SRP14: variants seen among roughly 807,000 people sequenced by gnomAD.
SRP14 encodes the protein signal recognition particle 14.
A neutral mutation model predicts 16.0 loss-of-function variants in SRP14; 1 was observed. The ratio of observed to expected loss-of-function variants is 0.06; its 90% CI spans 0.02 to 0.30. The LOEUF (loss-of-function observed/expected upper bound fraction) is 0.30, where lower values mean the gene tolerates loss of function less well. SRP14 is among the 10% of genes least tolerant of loss of function. The pLI is 1.00. For missense variants in SRP14, 120 were observed against 163.1 expected, an observed-to-expected ratio of 0.74 and a Z score of 1.44; for synonymous variants, 67 against 60.1, an observed-to-expected ratio of 1.12 and a Z score of -0.53.
chr15:40,038,837 A>T, intron 2 of SRP14, 39 bp downstream of exon 2: 1 of 1,604,824 alleles, frequency 6.2e-7, no homozygotes, highest in Non-Finnish European at 8.5e-7. Context: ...GACACCGGGA[A>T]CCCAGGGAGC....
chr15:40,038,240 A>G, intron 3 of SRP14, 42 bp downstream of exon 3: 1 of 1,472,568 alleles, frequency 6.8e-7, no homozygotes, highest in Non-Finnish European at 9.5e-7. Flanking sequence ...GTTAAGTTCA[A>G]GTCTTTACAT....
rs1303020661 is a variant in SRP14 at position 40,036,371 on chromosome 15, TTGGTGCTGTTGC to T, written c.361_372del (p.Ala121_Pro124del). 21 of 1,599,500 alleles carry T rather than the reference TTGGTGCTGTTGC, an allele frequency of 1.3e-5. No individual in the cohort carries two copies. Among genetic ancestry groups the T allele is most frequent in the East Asian group, 2.3e-5 (1 of 44,118 alleles). ...GTTGCTGCTGTTGTTGCTGCTGTTG[TTGGTGCTGTTGC>T]TGCTGCGGCAGGTGCTGCTGCTGCT... On this transcript the variant is annotated inframe_deletion, in exon 5 of 5. Transcript: ENST00000267884.
chr15:40,036,720 T>TC (rs930601154), intron 4 of SRP14: 1 of 654,674 alleles, frequency 1.5e-6, no homozygotes, highest in Non-Finnish European at 2.6e-6. Context: ...TACGTTTTTT[T>TC]CCAAGGGAAA....
At chr15:40,037,547 A>AT (rs1465650892) in intron 3 of SRP14, among the ~76,000 whole-genome samples, 2 of 151,634 alleles carry the variant, frequency 1.3e-5, no homozygotes, top group Admixed American at 6.6e-5. Flanking sequence ...TTATTTCATG[A>AT]TATCTAACTT....
intron 4 of SRP14, 154 bp downstream of exon 4, chr15:40,036,832 A>G (rs2291619): frequency 0.92 from 795,666 of 868,006 alleles, 365,467 homozygotes; most frequent in Admixed American, 0.96. Context: ...CGGTATTAGC[A>G]TTGAAATTCA....
rs1321243999 is a variant in SRP14, at chr15:40,039,126, G to A, written c.-10C>T. 1.2e-6 allele frequency: 2 copies of A among 1,609,860 alleles called. No homozygotes were observed. The highest frequency in any genetic ancestry group is 1.3e-5 in the African/African-American group (1 of 74,874). ...TCTCCAACAACACCATCGCGGCGAC[G>A]CTGGCTCGACTCCCTCCGCTTAAGC... On this transcript the variant is annotated 5_prime_UTR_variant, in exon 1 of 5. Coordinates refer to ENST00000267884, the MANE Select transcript of SRP14 (RefSeq NM_003134.6).
chr15:40,038,846 G>A, intron 2 of SRP14, 30 bp downstream of exon 2: 1 of 1,610,728 alleles, frequency 6.2e-7, no homozygotes, highest in Middle Eastern at 1.7e-4. Flanking sequence ...AACCCAGGGA[G>A]CATCGCCCGG....
chr15:40,036,889 G>C, intron 4 of SRP14, 97 bp downstream of exon 4: 1 of 1,374,498 alleles, frequency 7.3e-7, no homozygotes, highest in Non-Finnish European at 1.0e-6. Flanking sequence ...ACTTATCTCC[G>C]GAGAGCAGTG....
intron 4 of SRP14, 79 bp downstream of exon 4, chr15:40,036,907 G>T: frequency 6.6e-7 from 1 of 1,511,608 alleles, no homozygotes; most frequent in South Asian, 1.1e-5. Context: ...GTGAACCCAA[G>T]TATCAATCTT....
In SRP14 at chr15:40,036,393, A is replaced by AGGTGCTGCTGCGGCAGGT. The variant is rs2035623176; in HGVS notation, c.350_351insACCTGCCGCAGCAGCACC (p.Pro117_Ala118insProAlaAlaAlaAlaPro). On this transcript the variant is annotated inframe_insertion, in exon 5 of 5. Coordinates refer to ENST00000267884, the MANE Select transcript of SRP14 (RefSeq NM_003134.6). The stretch of plus-strand genomic sequence containing the variant: ...TTGTTGGTGCTGTTGCTGCTGCGGC[A>AGGTGCTGCTGCGGCAGGT]GGTGCTGCTGCTGCTGCTGCTGCTG... 1 of 1,610,848 alleles carries AGGTGCTGCTGCGGCAGGT rather than the reference A, an allele frequency of 6.2e-7. No homozygotes were observed. The highest frequency in any genetic ancestry group is 8.5e-7 in the Non-Finnish European group (1 of 1,179,460).
Position 40,036,693 on chromosome 15 carries a change from C to G in SRP14, c.244-193G>C. 8 of 686,306 alleles carry G rather than the reference C, an allele frequency of 1.2e-5. No individual in the cohort carries two copies. In the South Asian group the frequency reaches 1.5e-4, roughly 13 times the overall value. The allele number at this position is 686,306 out of a possible 1,614,324, so 42.5% of individuals were successfully genotyped here. ...TAGCAGCTTCTGCAACACCCACAGA[C>G]AGTTGCACACATTTTTTACGTTTTT... On this transcript the variant is annotated intron_variant, in intron 4 of 4. Coordinates refer to ENST00000267884, the MANE Select transcript of SRP14 (RefSeq NM_003134.6).
rs1177786768 is a variant in SRP14 at position 40,036,361 on chromosome 15, G to A, written c.383C>T (p.Ala128Val). 11 of 1,613,698 alleles carry A rather than the reference G, an allele frequency of 6.8e-6. No homozygotes were observed. The highest frequency in any genetic ancestry group is 8.5e-6 in the Non-Finnish European group (10 of 1,179,806). The change falls in exon 5 of 5, where the codon GCA (alanine) becomes GTA (valine). Residue 128 changes from alanine (A) to valine (V), a missense_variant. Coordinates refer to ENST00000267884, the MANE Select transcript of SRP14 (RefSeq NM_003134.6). Reference sequence around the variant, plus strand: ...CTGTGCTGCTGTTGCTGCTGTTGTTGCTGCTGTTGTTGGTGCTGTTGCTGC... The same window carrying A: ...CTGTGCTGCTGTTGCTGCTGTTGTTACTGCTGTTGTTGGTGCTGTTGCTGC... Reference protein sequence around the residue: ...AAAATAPTTAATTAATAAQ With the variant: ...AAAATAPTTAVTTAATAAQ
rs2035624881 is a variant in SRP14 at position 40,036,427 on chromosome 15, G to T, written c.317C>A (p.Thr106Asn). 1.2e-6 allele frequency: 2 copies of T among 1,613,936 alleles called. No individual in the cohort carries two copies. Among genetic ancestry groups the T allele is most frequent in the African/African-American group, 2.7e-5 (2 of 74,870 alleles). Residue 106 changes from threonine (T) to asparagine (N), a missense_variant, in exon 5 of 5, where the codon ACC becomes AAC. Physicochemically the swap from Thr to Asn is moderately conservative, Grantham distance 65 (BLOSUM62 0). This residue lies in a region of SRP14 where 44 missense variants were observed against 93.1 expected (regional missense o/e 0.47). Coordinates refer to ENST00000267884, the MANE Select transcript of SRP14 (RefSeq NM_003134.6). ...KRDKKNKTKK[T>N]KAAAAAAAAA... Reference sequence around the variant, plus strand: ...TGCTGCTGCTGCTGCTGCTGCTTTGGTCTTCTTAGTTTTGTTCTTTTTGTC... The same window carrying T: ...TGCTGCTGCTGCTGCTGCTGCTTTGTTCTTCTTAGTTTTGTTCTTTTTGTC...
intron 4 of SRP14, 51 bp from the exon 5 acceptor site, chr15:40,036,551 G>A: frequency 1.3e-6 from 2 of 1,572,386 alleles, no homozygotes; most frequent in Non-Finnish European, 1.7e-6. Flanking sequence ...CAAACTGGCA[G>A]AACACCAGCC....
intron 4 of SRP14, 115 bp from the exon 5 acceptor site, chr15:40,036,615 A>G (rs927714518): frequency 2.0e-6 from 2 of 1,005,004 alleles, no homozygotes; most frequent in Non-Finnish European, 3.0e-6. Flanking sequence ...ATATAGCACC[A>G]TTGGACACTT....
At chr15:40,036,664 A>T (rs2035628578) in intron 4 of SRP14, 164 bp from the exon 5 acceptor site, 1 of 757,396 alleles carries the variant, frequency 1.3e-6, no homozygotes, top group African/African-American at 1.7e-5. Flanking sequence ...ACTCTTTCAC[A>T]TTATAGCAGC....
At position 40,035,975 on chromosome 15, in the gene SRP14, T is replaced by G. The variant is rs182952959; in HGVS notation, c.*358A>C. The G allele has an allele frequency of 1.3e-5, 3 of 233,788 alleles. No individual in the cohort carries two copies. The highest frequency in any genetic ancestry group is 9.8e-5 in the East Asian group (1 of 10,236). 14.5% of individuals were successfully genotyped at this position (233,788 alleles called of 1,614,324 possible). A position where few individuals can be genotyped will look rare whatever the true frequency, so the allele number is the denominator to read the frequency against. ...TAAAGCCTATTCATTAATCACATCA[T>G]TCTAGATTTAGTAGTTATTGCCAGA... On this transcript the variant is annotated 3_prime_UTR_variant, in exon 5 of 5. Coordinates refer to ENST00000267884, the MANE Select transcript of SRP14 (RefSeq NM_003134.6).
At chr15:40,037,121 T>C in intron 3 of SRP14, 103 bp from the exon 4 acceptor site, 2 of 1,370,470 alleles carry the variant, frequency 1.5e-6, no homozygotes, top group South Asian at 1.4e-5. Context: ...AATATCCTTA[T>C]CTTTAAAATA....
chr15:40,036,718 T>C (rs1375515833), intron 4 of SRP14: 1 of 656,092 alleles, frequency 1.5e-6, no homozygotes, highest in Non-Finnish European at 2.6e-6. Context: ...TTTACGTTTT[T>C]TTCCAAGGGA....
Sources: allele counts gnomAD v4.1 joint callset (sites outside exome capture counted in the v4.1 genomes callset), GRCh38; gene constraint gnomAD v4.1.1; regional missense constraint gnomAD v4.1.1; transcripts MANE v1.5; gene names NCBI Gene and HGNC (gene_info 2026-07-23, HGNC 2026-07-21).